The following MEI4 variants were observed in gnomAD, a reference collection of about 807,000 sequenced individuals.
The protein encoded by MEI4 is meiotic double-stranded break formation protein 4.
MEI4 carries 27 observed loss-of-function variants against 31.4 expected under a neutral mutation model. That is an observed-to-expected ratio of 0.86 (90% CI 0.63 to 1.19). MEI4 has a LOEUF of 1.19. MEI4 is among the 50% of genes most tolerant of loss of function. The pLI is 0.00. For synonymous variants in MEI4, 122 were observed against 145.4 expected (o/e 0.84, Z 1.16); for missense variants, 329 against 398.9 (o/e 0.82, Z 1.49).
intron 2 of MEI4, among the ~76,000 whole-genome samples, chr6:77,696,118 T>C (rs1012755844): frequency 6.6e-6 from 1 of 152,232 alleles, no homozygotes; most frequent in African/African-American, 2.4e-5. Context: ...TGATTTTGTA[T>C]CCTGAGACTT....
chr6:77,853,053 C>G (rs1282104389), intron 4 of MEI4, among the ~76,000 whole-genome samples: 1 of 152,046 alleles, frequency 6.6e-6, no homozygotes, highest in African/African-American at 2.4e-5. Flanking sequence ...ACAAAACTAG[C>G]CAGACGTGGT....
At chr6:77,859,347 G>T (rs188047575) in intron 4 of MEI4, among the ~76,000 whole-genome samples, 77 of 152,180 alleles carry the variant, frequency 5.1e-4, no homozygotes, top group African/African-American at 1.8e-3. Flanking sequence ...TGTGTCTTTA[G>T]AGTAGAATGA....
chr6:77,738,598 G>T (rs987516276), intron 2 of MEI4, among the ~76,000 whole-genome samples: 1 of 150,686 alleles, frequency 6.6e-6, no homozygotes, highest in African/African-American at 2.5e-5. Flanking sequence ...AATCATTTGG[G>T]TGTATATTCA....
intron 3 of MEI4, among the ~76,000 whole-genome samples, chr6:77,804,595 C>G (rs1325932161): frequency 2.6e-5 from 4 of 152,174 alleles, no homozygotes; most frequent in Non-Finnish European, 5.9e-5. Context: ...CATCTTGCCT[C>G]CACCCTCCCC....
intron 2 of MEI4, among the ~76,000 whole-genome samples, chr6:77,733,197 G>T (rs1384340848): frequency 1.3e-5 from 2 of 151,878 alleles, no homozygotes; most frequent in Admixed American, 1.3e-4. Flanking sequence ...GTTTCAGAAG[G>T]AATGGTACCA....
chr6:77,736,265 G>T (rs1005656070), intron 2 of MEI4, among the ~76,000 whole-genome samples: 1 of 151,926 alleles, frequency 6.6e-6, no homozygotes, highest in Non-Finnish European at 1.5e-5. Flanking sequence ...GATCTCAGAG[G>T]GCTGTGCTAG....
chr6:77,745,455 C>A (rs1158754756), intron 2 of MEI4, among the ~76,000 whole-genome samples: 2 of 152,128 alleles, frequency 1.3e-5, no homozygotes, highest in South Asian at 2.1e-4. Flanking sequence ...TACAGGAGCA[C>A]CCAGATTCAT....
At chr6:77,786,434 A>T (rs1261012528) in intron 3 of MEI4, among the ~76,000 whole-genome samples, 1 of 152,122 alleles carries the variant, frequency 6.6e-6, no homozygotes, top group Non-Finnish European at 1.5e-5. Context: ...GTCAAGAAAA[A>T]CTAACATTGC....
intron 4 of MEI4, among the ~76,000 whole-genome samples, chr6:77,879,968 G>A (rs1017852216): frequency 6.6e-6 from 1 of 152,110 alleles, no homozygotes; most frequent in Non-Finnish European, 1.5e-5. Flanking sequence ...TTCTGTTTGG[G>A]CACCTGTGCT....
intron 2 of MEI4, among the ~76,000 whole-genome samples, chr6:77,752,778 A>G (rs1263282882): frequency 2.6e-5 from 4 of 152,112 alleles, no homozygotes; most frequent in African/African-American, 7.2e-5. Context: ...ATTTGGAACC[A>G]AAGAAGAGCC....
At chr6:77,707,858 G>A (rs1766366039) in intron 2 of MEI4, among the ~76,000 whole-genome samples, 2 of 152,232 alleles carry the variant, frequency 1.3e-5, no homozygotes, top group Admixed American at 1.3e-4. Flanking sequence ...GCTTCCACTT[G>A]GTGTTAAGGC....
intron 1 of MEI4, among the ~76,000 whole-genome samples, chr6:77,680,377 T>C (rs7761239): frequency 0.81 from 123,172 of 151,962 alleles, 50,170 homozygotes; most frequent in East Asian, 0.95. Context: ...CGCATGGATC[T>C]TATGAATTGA....
At chr6:77,910,385 A>G (rs1034869668) in intron 4 of MEI4, among the ~76,000 whole-genome samples, 1 of 152,216 alleles carries the variant, frequency 6.6e-6, no homozygotes, top group Non-Finnish European at 1.5e-5. Context: ...TCAATGTGCA[A>G]AAATCACAAG....
intron 3 of MEI4, among the ~76,000 whole-genome samples, chr6:77,825,757 G>C (rs577976312): frequency 6.6e-6 from 1 of 152,224 alleles, no homozygotes; most frequent in East Asian, 1.9e-4. Flanking sequence ...AGCTTAGAGA[G>C]TTTATTTGAA....
In MEI4 at chr6:77,730,702, G is replaced by A. The variant is rs185462369; in HGVS notation, c.233-30428G>A. Among the ~76,000 whole-genome samples the A allele has an allele frequency of 1.4e-3, 209 of 151,812 alleles. 1 individual carries two copies. The highest frequency in any genetic ancestry group is 4.4e-3 in the African/African-American group (182 of 41,430). On this transcript the variant is annotated intron_variant, in intron 2 of 4. Transcript: ENST00000684080. ...GCAAGTTAGTTACATATGTATACAT[G>A]TGCCATGCTGGTGCGCTGCACCCAC...
At position 77,925,087 on chromosome 6, in the gene MEI4, T is replaced by A. The variant is rs905414489; in HGVS notation, c.*1741T>A. ...ATGACACCTTCATCTTCTTTCATTG[T>A]GATTAAACAAGATTGGTAAATACAC... On this transcript the variant is annotated 3_prime_UTR_variant, in exon 5 of 5. Transcript: ENST00000684080. 2 of 151,840 alleles carry A rather than the reference T, an allele frequency of 1.3e-5. No homozygotes were observed. The highest frequency in any genetic ancestry group is 4.8e-5 in the African/African-American group (2 of 41,388). The allele number at this position is 151,840 out of a possible 1,614,324, so 9.4% of individuals were successfully genotyped here.
chr6:77,851,989 A>C (rs1331946571), intron 4 of MEI4, among the ~76,000 whole-genome samples: 1 of 152,200 alleles, frequency 6.6e-6, no homozygotes, highest in East Asian at 1.9e-4. Flanking sequence ...TAGTGGACCA[A>C]ATTAGGGATT....
chr6:77,691,221 A>G (rs1372758958), intron 2 of MEI4, among the ~76,000 whole-genome samples: 1 of 152,048 alleles, frequency 6.6e-6, no homozygotes, highest in Non-Finnish European at 1.5e-5. Flanking sequence ...TAGTTAATCT[A>G]GCAGTCCAAT....
intron 4 of MEI4, among the ~76,000 whole-genome samples, chr6:77,880,020 G>A (rs1235332985): frequency 6.6e-6 from 1 of 152,162 alleles, no homozygotes; most frequent in Non-Finnish European, 1.5e-5. Flanking sequence ...AAACAGAAAA[G>A]TCACTGAGAA....
Sources: gnomAD v4.1 joint callset for allele counts (sites outside exome capture counted in the v4.1 genomes callset) on GRCh38, gnomAD v4.1.1 for gene constraint, MANE v1.5 for transcripts, NCBI Gene and HGNC (gene_info 2026-07-23, HGNC 2026-07-21) for gene names.